The following HS6ST3 variants were observed in gnomAD, a reference collection of about 807,000 sequenced individuals.
The protein encoded by HS6ST3 is heparan-sulfate 6-O-sulfotransferase 3.
A neutral mutation model predicts 36.7 loss-of-function variants in HS6ST3; 12 were observed. The observed-to-expected ratio is 0.33, with a 90% CI of 0.21 to 0.53. The LOEUF is 0.53. Ranked by LOEUF, HS6ST3 falls within the 20% of genes least tolerant of loss-of-function variation. The probability of loss-of-function intolerance (pLI) is 0.95; values close to 1 mark genes in which losing one functional copy is unlikely to be tolerated. For missense variants in HS6ST3, 584 were observed against 640.9 expected, an observed-to-expected ratio of 0.91 and a Z score of 0.96; for synonymous variants, 240 against 257.5, an observed-to-expected ratio of 0.93 and a Z score of 0.65.
At chr13:96,513,927 G>A (rs1401324173) in intron 1 of HS6ST3, among the ~76,000 whole-genome samples, 3 of 151,960 alleles carry the variant, frequency 2.0e-5, no homozygotes, top group Non-Finnish European at 4.4e-5. Flanking sequence ...AGACAGGAAT[G>A]TTCTAGAAGT....
At chr13:96,444,104 G>A (rs1023650320) in intron 1 of HS6ST3, among the ~76,000 whole-genome samples, 7 of 152,198 alleles carry the variant, frequency 4.6e-5, no homozygotes, top group Non-Finnish European at 8.8e-5. Context: ...GACCGGTGGA[G>A]AAAAGTATAG....
intron 1 of HS6ST3, among the ~76,000 whole-genome samples, chr13:96,322,500 T>C (rs573818561): frequency 2.0e-5 from 3 of 152,160 alleles, no homozygotes; most frequent in South Asian, 4.1e-4. Context: ...GAGGTTGCAG[T>C]GAGCCGAGAT....
chr13:96,145,340 G>A (rs1465335743), intron 1 of HS6ST3, among the ~76,000 whole-genome samples: 2 of 150,060 alleles, frequency 1.3e-5, no homozygotes, highest in African/African-American at 2.4e-5. Context: ...TTTAATGATT[G>A]CCATTCTAAC....
intron 1 of HS6ST3, among the ~76,000 whole-genome samples, chr13:96,477,432 G>A (rs2055869406): frequency 6.6e-6 from 1 of 152,234 alleles, no homozygotes; most frequent in African/African-American, 2.4e-5. Flanking sequence ...TGTTCAAGAA[G>A]TAAATGTGTT....
intron 1 of HS6ST3, among the ~76,000 whole-genome samples, chr13:96,493,149 A>C (rs754488101): frequency 3.9e-4 from 60 of 152,276 alleles, no homozygotes; most frequent in Non-Finnish European, 5.9e-4. Context: ...CTGTTCCTGA[A>C]GACATACACC....
chr13:96,756,960 T>C (rs974795750), intron 1 of HS6ST3, among the ~76,000 whole-genome samples: 3 of 152,202 alleles, frequency 2.0e-5, no homozygotes, highest in African/African-American at 7.2e-5. Flanking sequence ...TTGGAGTCCA[T>C]GCAAAGGTTA....
rs141436641 is a variant in HS6ST3 at position 96,243,174 on chromosome 13, A to G, written c.707+151605A>G. Among the ~76,000 whole-genome samples, 3 of 152,358 alleles carry G rather than the reference A, an allele frequency of 2.0e-5. No homozygotes were observed. In the East Asian group the frequency reaches 5.8e-4, roughly 29 times the overall value. ...TCCAGTGTGAATTTACACATGTAGTACATCTCAATTTGGACTAAACACCTT... is the reference window on the plus strand; with the variant it reads ...TCCAGTGTGAATTTACACATGTAGTGCATCTCAATTTGGACTAAACACCTT... On this transcript the variant is annotated intron_variant, in intron 1 of 1. Transcript: ENST00000376705.
At chr13:96,266,375 T>C (rs2054692494) in intron 1 of HS6ST3, among the ~76,000 whole-genome samples, 1 of 152,110 alleles carries the variant, frequency 6.6e-6, no homozygotes, top group Non-Finnish European at 1.5e-5. Context: ...GAATGTGAGG[T>C]TGGGTGTAAA....
chr13:96,371,519 A>T (rs2055290145), intron 1 of HS6ST3, among the ~76,000 whole-genome samples: 1 of 152,158 alleles, frequency 6.6e-6, no homozygotes, highest in Non-Finnish European at 1.5e-5. Context: ...GGTATATAAT[A>T]CATAATTTTT....
intron 1 of HS6ST3, among the ~76,000 whole-genome samples, chr13:96,625,828 G>T (rs189550434): frequency 4.0e-4 from 60 of 151,462 alleles, no homozygotes; most frequent in Non-Finnish European, 8.0e-4. Context: ...TTTGTAAAGA[G>T]AAATTCTTCT....
intron 1 of HS6ST3, among the ~76,000 whole-genome samples, chr13:96,569,496 T>C (rs111361247): frequency 2.6e-5 from 4 of 152,292 alleles, no homozygotes; most frequent in African/African-American, 9.6e-5. Context: ...TATCCTATTA[T>C]ATGAGAAAAT....
chr13:96,474,457 G>A (rs1003267596), intron 1 of HS6ST3, among the ~76,000 whole-genome samples: 9 of 152,166 alleles, frequency 5.9e-5, no homozygotes, highest in African/African-American at 2.2e-4. Context: ...TAGGGGCCTG[G>A]GAAGACAGCA....
intron 1 of HS6ST3, among the ~76,000 whole-genome samples, chr13:96,331,928 G>A (rs1273406384): frequency 2.0e-5 from 3 of 152,228 alleles, no homozygotes; most frequent in African/African-American, 4.8e-5. Context: ...TATTCGGTTG[G>A]GAGTGACCAG....
At chr13:96,307,865 A>G (rs1229034356) in intron 1 of HS6ST3, among the ~76,000 whole-genome samples, 1 of 152,122 alleles carries the variant, frequency 6.6e-6, no homozygotes, top group Middle Eastern at 3.2e-3. Flanking sequence ...TATGCTTACA[A>G]GCTGTTAGAG....
chr13:96,830,717 G>T (rs959724612), intron 1 of HS6ST3, among the ~76,000 whole-genome samples: 2 of 152,140 alleles, frequency 1.3e-5, no homozygotes, highest in African/African-American at 4.8e-5. Flanking sequence ...GCTCTCTATT[G>T]CACCAAGACA....
At chr13:96,324,845 T>C (rs902280679) in intron 1 of HS6ST3, among the ~76,000 whole-genome samples, 3 of 152,214 alleles carry the variant, frequency 2.0e-5, no homozygotes, top group Non-Finnish European at 4.4e-5. Context: ...CCAAGATAAC[T>C]GATACCTTGA....
intron 1 of HS6ST3, among the ~76,000 whole-genome samples, chr13:96,620,420 G>T (rs1030379005): frequency 6.6e-6 from 1 of 152,188 alleles, no homozygotes; most frequent in African/African-American, 2.4e-5. Context: ...TTGTGCTTAT[G>T]TGTGATTTTC....
At chr13:96,653,541 A>C (rs2056614724) in intron 1 of HS6ST3, among the ~76,000 whole-genome samples, 1 of 152,156 alleles carries the variant, frequency 6.6e-6, no homozygotes, top group Non-Finnish European at 1.5e-5. Context: ...ACATGAACTC[A>C]TCCTTTTTTA....
chr13:96,658,162 T>C (rs965573005), intron 1 of HS6ST3, among the ~76,000 whole-genome samples: 2 of 152,212 alleles, frequency 1.3e-5, no homozygotes, highest in African/African-American at 4.8e-5. Flanking sequence ...GTGAGATTTA[T>C]TCACATTGTT....
Sources: gnomAD v4.1 joint callset for allele counts (sites outside exome capture counted in the v4.1 genomes callset) on GRCh38, gnomAD v4.1.1 for gene constraint, MANE v1.5 for transcripts, NCBI Gene and HGNC (gene_info 2026-07-23, HGNC 2026-07-21) for gene names.